Variants in IL1RAPL1 observed in about 807,000 individuals in gnomAD.
The protein encoded by IL1RAPL1 is interleukin-1 receptor accessory protein-like 1.
A neutral mutation model predicts 48.4 loss-of-function variants in IL1RAPL1; 3 were observed. That is an observed-to-expected ratio of 0.06 (90% confidence interval 0.03 to 0.16). The LOEUF is 0.16. Ranked by LOEUF, IL1RAPL1 falls within the 10% of genes least tolerant of loss-of-function variation. The probability of loss-of-function intolerance (pLI) is 1.00; values close to 1 mark genes in which losing one functional copy is unlikely to be tolerated. For missense variants in IL1RAPL1, 349 were observed against 530.6 expected, an observed-to-expected ratio of 0.66 and a Z score of 3.36; for synonymous variants, 185 against 187.7, an observed-to-expected ratio of 0.99 and a Z score of 0.12.
chrX:29,680,668 C>G (rs1489944893), intron 6 of IL1RAPL1, among the ~76,000 whole-genome samples: 1 of 111,951 alleles, frequency 8.9e-6, no homozygotes, highest in Admixed American at 9.5e-5. Flanking sequence ...TTTAACATCC[C>G]TGGTTAATCC....
At chrX:28,791,473 T>G (rs1220056463) in intron 2 of IL1RAPL1, among the ~76,000 whole-genome samples, 1 of 112,010 alleles carries the variant, frequency 8.9e-6, no homozygotes, top group South Asian at 3.7e-4. Flanking sequence ...TATTTTAATT[T>G]TGTAATTATT....
At chrX:28,620,166 C>T (rs1934269958) in intron 1 of IL1RAPL1, among the ~76,000 whole-genome samples, 1 of 111,421 alleles carries the variant, frequency 9.0e-6, no homozygotes. Context: ...TTTGTTATAT[C>T]CTACTGAACT....
Position 29,900,613 on chromosome X carries a change from TTAAGC to T in IL1RAPL1, c.779-16846_779-16842del, listed in dbSNP as rs746891926. 2.0e-3 allele frequency among the ~76,000 whole-genome samples: 223 copies of T among 112,451 alleles called. 1 individual carries two copies. Among genetic ancestry groups the T allele is most frequent in the African/African-American group, 6.7e-3 (209 of 30,995 alleles). The stretch of plus-strand genomic sequence containing the variant: ...TAAATGGTTTCTAGCTTTTCTCTAG[TTAAGC>T]TAAGTTCTTTCTTAAAAGGAAACTC... On this transcript the variant is annotated intron_variant, in intron 6 of 10. Coordinates refer to ENST00000378993, the MANE Select transcript of IL1RAPL1 (RefSeq NM_014271.4).
intron 6 of IL1RAPL1, among the ~76,000 whole-genome samples, chrX:29,725,640 G>A (rs767410760): frequency 8.9e-6 from 1 of 111,756 alleles, no homozygotes; most frequent in East Asian, 2.8e-4. Flanking sequence ...GGGGCAACTA[G>A]TTTTGCCACT....
chrX:28,932,700 T>G (rs1426133994), intron 2 of IL1RAPL1, among the ~76,000 whole-genome samples: 1 of 107,826 alleles, frequency 9.3e-6, no homozygotes, highest in African/African-American at 3.5e-5. Flanking sequence ...TAGCTGTCTT[T>G]ACACTTTTTT....
intron 2 of IL1RAPL1, among the ~76,000 whole-genome samples, chrX:29,111,001 G>GA (rs780199961): frequency 3.7e-4 from 40 of 109,225 alleles, no homozygotes; most frequent in African/African-American, 1.2e-3. Flanking sequence ...TATAAATTTT[G>GA]AAAAAAAAGG....
At chrX:28,950,602 C>G (rs1437899987) in intron 2 of IL1RAPL1, among the ~76,000 whole-genome samples, 2 of 105,008 alleles carry the variant, frequency 1.9e-5, no homozygotes, top group Admixed American at 1.0e-4. Flanking sequence ...TGTTTGTATC[C>G]TCTTTTATTT....
chrX:29,193,781 A>G lies in IL1RAPL1; in HGVS notation c.83-89157A>G, dbSNP rs375161045. The stretch of plus-strand genomic sequence containing the variant: ...CACACATAGGCAAATAAATTCCAAT[A>G]AAAACTGGCAAAATCTAAAATACTA... On this transcript the variant is annotated intron_variant, in intron 2 of 10. Coordinates refer to ENST00000378993, the MANE Select transcript of IL1RAPL1 (RefSeq NM_014271.4). Among the ~76,000 whole-genome samples, 5 of 111,694 alleles carry G rather than the reference A, an allele frequency of 4.5e-5. No individual in the cohort carries two copies. The East Asian group carries it at 1.4e-3, about 31-fold the overall frequency.
At chrX:28,761,556 T>C (rs1936172677) in intron 1 of IL1RAPL1, among the ~76,000 whole-genome samples, 1 of 111,064 alleles carries the variant, frequency 9.0e-6, no homozygotes, top group East Asian at 2.8e-4. Context: ...TTTATAAACA[T>C]AAAGATGGGA....
At chrX:29,051,120 A>G (rs1301542455) in intron 2 of IL1RAPL1, among the ~76,000 whole-genome samples, 1 of 112,383 alleles carries the variant, frequency 8.9e-6, no homozygotes, top group Non-Finnish European at 1.9e-5. Context: ...CAGAATTTCT[A>G]CACCAATAGC....
chrX:29,897,290 G>A (rs185128917), intron 6 of IL1RAPL1, among the ~76,000 whole-genome samples: 2 of 110,587 alleles, frequency 1.8e-5, no homozygotes, highest in African/African-American at 6.5e-5. Flanking sequence ...ATAATAAAAA[G>A]AAATGACCAG....
At chrX:29,436,874 T>G (rs1934487356) in intron 5 of IL1RAPL1, among the ~76,000 whole-genome samples, 1 of 110,766 alleles carries the variant, frequency 9.0e-6, no homozygotes, top group African/African-American at 3.3e-5. Context: ...TGTCTATTTT[T>G]ATAAAGTACA....
At position 29,595,035 on chromosome X, in the gene IL1RAPL1, C is replaced by T. The variant is rs185604659; in HGVS notation, c.704-73395C>T. Among the ~76,000 whole-genome samples the T allele has an allele frequency of 5.3e-5, 6 of 112,279 alleles. No individual in the cohort carries two copies. In the East Asian group the frequency reaches 1.7e-3, roughly 31 times the overall value. ...CACTTAGAATAACAGTCTCCAGTTCCACCCAGGTTGCTGCAAATGTCATTA... is the reference window on the plus strand; with the variant it reads ...CACTTAGAATAACAGTCTCCAGTTCTACCCAGGTTGCTGCAAATGTCATTA... On this transcript the variant is annotated intron_variant, in intron 5 of 10. Coordinates refer to ENST00000378993, the MANE Select transcript of IL1RAPL1 (RefSeq NM_014271.4).
intron 2 of IL1RAPL1, among the ~76,000 whole-genome samples, chrX:28,994,710 G>A (rs1297002488): frequency 8.9e-6 from 1 of 111,793 alleles, no homozygotes; most frequent in Non-Finnish European, 1.9e-5. Flanking sequence ...CTCAATTCTC[G>A]TGAGAATTTG....
chrX:28,896,863 C>T (rs1922932167), intron 2 of IL1RAPL1, among the ~76,000 whole-genome samples: 1 of 110,799 alleles, frequency 9.0e-6, no homozygotes, highest in African/African-American at 3.3e-5. Context: ...GGACGTCAGG[C>T]ACCTCAGACC....
intron 6 of IL1RAPL1, among the ~76,000 whole-genome samples, chrX:29,759,810 G>T (rs775114643): frequency 2.7e-5 from 3 of 111,759 alleles, no homozygotes; most frequent in Non-Finnish European, 3.8e-5. Flanking sequence ...AAGAGGCTAT[G>T]CCAAAATTAT....
intron 2 of IL1RAPL1, among the ~76,000 whole-genome samples, chrX:29,153,236 C>T (rs901246631): frequency 1.8e-5 from 2 of 111,526 alleles, no homozygotes; most frequent in Non-Finnish European, 3.8e-5. Flanking sequence ...TTACACTGGG[C>T]TCATCTGGAT....
At chrX:29,540,461 C>T (rs1469073626) in intron 5 of IL1RAPL1, among the ~76,000 whole-genome samples, 1 of 111,518 alleles carries the variant, frequency 9.0e-6, no homozygotes, top group Non-Finnish European at 1.9e-5. Flanking sequence ...CCAAAAACAG[C>T]CTGAATAGTT....
At chrX:29,441,902 T>G (rs1934551391) in intron 5 of IL1RAPL1, among the ~76,000 whole-genome samples, 1 of 111,947 alleles carries the variant, frequency 8.9e-6, no homozygotes, top group African/African-American at 3.2e-5. Context: ...ATACATAGAG[T>G]TCCTGTGTAC....
Sources: gnomAD v4.1 joint callset for allele counts (sites outside exome capture counted in the v4.1 genomes callset) on GRCh38, gnomAD v4.1.1 for gene constraint, MANE v1.5 for transcripts, NCBI Gene and HGNC (gene_info 2026-07-23, HGNC 2026-07-21) for gene names.